The following XKR3 variants were observed in gnomAD, a reference collection of about 807,000 sequenced individuals.
The protein encoded by XKR3 is XK related 3.
In XKR3, 27 loss-of-function variants were observed where a neutral mutation model predicts 40.3. The observed-to-expected ratio is 0.67, with a 90% CI of 0.49 to 0.92. The LOEUF (loss-of-function observed/expected upper bound fraction) is 0.92. Ranked by LOEUF, XKR3 falls within the 40% of genes least tolerant of loss-of-function variation. XKR3 has a pLI of 0.00. For missense variants in XKR3, 472 were observed against 537.6 expected (o/e 0.88, Z 1.21); for synonymous variants, 193 against 195.4 (o/e 0.99, Z 0.10).
chr22:16,810,945 G>C (rs1438501692), intron 1 of XKR3, among the ~76,000 whole-genome samples: 1 of 151,990 alleles, frequency 6.6e-6, no homozygotes, highest in Non-Finnish European at 1.5e-5. Context: ...ATGAACCCAC[G>C]AGCCTTATGC....
chr22:16,807,965 T>C lies in XKR3; in HGVS notation c.109A>G (p.Ile37Val), dbSNP rs561070232. 3 of 1,613,996 alleles carry C rather than the reference T, an allele frequency of 1.9e-6. No individual in the cohort carries two copies. Among genetic ancestry groups the C allele is most frequent in the South Asian group, 1.1e-5 (1 of 91,066 alleles). The change falls in exon 2 of 4, where the codon ATT becomes GTT. Residue 37 changes from isoleucine to valine, a missense_variant. Ile to Val is a conservative substitution (Grantham distance 29). Coordinates refer to ENST00000684488, the MANE Select transcript of XKR3 (RefSeq NM_001386955.1). ...CAGTAGAGAACAGTTGAGAAGATAA[T>C]GCTAAAAGGAAAGCTTAGATGGAGT... ...QRLHLSFPFSIIFSTVLYCGE... is the reference protein window; with the variant it reads ...QRLHLSFPFSVIFSTVLYCGE...
At chr22:16,806,703 G>T (rs188064548) in intron 2 of XKR3, among the ~76,000 whole-genome samples, 26 of 152,166 alleles carry the variant, frequency 1.7e-4, no homozygotes, top group Non-Finnish European at 2.2e-4. Flanking sequence ...CTCCCAAAGA[G>T]CTGGAATTAC....
chr22:16,822,760 T>C (rs1389633921), intron 1 of XKR3, among the ~76,000 whole-genome samples: 1 of 152,232 alleles, frequency 6.6e-6, no homozygotes, highest in African/African-American at 2.4e-5. Flanking sequence ...AACCAGACTT[T>C]CTGAGTTACA....
At chr22:16,814,298 A>G (rs1301280260) in intron 1 of XKR3, among the ~76,000 whole-genome samples, 2 of 152,052 alleles carry the variant, frequency 1.3e-5, no homozygotes, top group East Asian at 3.9e-4. Context: ...TCATTTACTT[A>G]TCTTGGTACC....
intron 2 of XKR3, among the ~76,000 whole-genome samples, chr22:16,807,382 TCTCA>T (rs1467447272): frequency 6.6e-6 from 1 of 152,166 alleles, no homozygotes; most frequent in Non-Finnish European, 1.5e-5. Flanking sequence ...CTTTCTCTCT[TCTCA>T]CTCACTCTAC....
intron 3 of XKR3, among the ~76,000 whole-genome samples, chr22:16,785,972 T>G (rs1467398410): frequency 1.3e-5 from 2 of 152,178 alleles, no homozygotes; most frequent in Non-Finnish European, 2.9e-5. Context: ...ATTATTCACT[T>G]TCTAACACCA....
At chr22:16,808,969 T>C (rs985070386) in intron 1 of XKR3, among the ~76,000 whole-genome samples, 1 of 152,188 alleles carries the variant, frequency 6.6e-6, no homozygotes, top group African/African-American at 2.4e-5. Context: ...TAATGCAAAT[T>C]TCCAGAAAGA....
At chr22:16,803,773 G>A (rs184595365) in intron 2 of XKR3, among the ~76,000 whole-genome samples, 79 of 152,264 alleles carry the variant, frequency 5.2e-4, no homozygotes, top group African/African-American at 1.8e-3. Flanking sequence ...GCTAAAAAGG[G>A]GAGGCATGAA....
intron 2 of XKR3, among the ~76,000 whole-genome samples, chr22:16,801,547 AATAAAT>A (rs953094401): frequency 2.0e-5 from 3 of 152,234 alleles, no homozygotes; most frequent in Non-Finnish European, 4.4e-5. Flanking sequence ...ATTTCAAAAA[AATAAAT>A]ATATAAGTAA....
At chr22:16,788,227 A>G (rs1449140570) in intron 3 of XKR3, among the ~76,000 whole-genome samples, 6 of 152,188 alleles carry the variant, frequency 3.9e-5, no homozygotes, top group East Asian at 3.8e-4. Flanking sequence ...CACAGAAAAT[A>G]CCATATTTCT....
intron 3 of XKR3, among the ~76,000 whole-genome samples, chr22:16,791,994 T>C (rs1254436731): frequency 6.6e-6 from 1 of 151,966 alleles, no homozygotes; most frequent in Non-Finnish European, 1.5e-5. Context: ...CAGGCTGGAG[T>C]GCAATGGCAC....
intron 1 of XKR3, among the ~76,000 whole-genome samples, chr22:16,822,042 G>T (rs1178092804): frequency 6.6e-6 from 1 of 151,982 alleles, no homozygotes; most frequent in Non-Finnish European, 1.5e-5. Context: ...GCTGTGATAG[G>T]TGCCACAAAG....
At chr22:16,815,892 T>A (rs2060231291) in intron 1 of XKR3, among the ~76,000 whole-genome samples, 1 of 151,970 alleles carries the variant, frequency 6.6e-6, no homozygotes, top group Non-Finnish European at 1.5e-5. Flanking sequence ...TTTAAAATTT[T>A]TTCACATTTT....
intron 3 of XKR3, among the ~76,000 whole-genome samples, chr22:16,796,830 G>A (rs1203243663): frequency 6.6e-6 from 1 of 152,136 alleles, no homozygotes; most frequent in East Asian, 1.9e-4. Flanking sequence ...AATTTCATGT[G>A]GAACAGCAAC....
In XKR3 at chr22:16,816,412, A is replaced by T. The variant is rs2060233747; in HGVS notation, c.-10-8329T>A. ...AAAATATTCATTTTTCCTGGTTTTG[A>T]CATTAACTACCATATTTCTACACTT... On this transcript the variant is annotated intron_variant, in intron 1 of 3. Coordinates refer to ENST00000684488, the MANE Select transcript of XKR3 (RefSeq NM_001386955.1). Among the ~76,000 whole-genome samples, 9 of 151,190 alleles carry T rather than the reference A, an allele frequency of 6.0e-5. No homozygotes were observed. In the South Asian group the frequency reaches 1.7e-3, roughly 28 times the overall value.
Position 16,807,691 on chromosome 22 carries a change from C to T in XKR3, c.335+48G>A, listed in dbSNP as rs188899945. ...ATCTTTTTAGCCATCTATTTATATTCAATTTACTTGTTGGAGGCAGTGAAT... is the reference window on the plus strand; with the variant it reads ...ATCTTTTTAGCCATCTATTTATATTTAATTTACTTGTTGGAGGCAGTGAAT... On this transcript the variant is annotated intron_variant, in intron 2 of 3. Transcript: ENST00000684488. The T allele has an allele frequency of 5.6e-5, 81 of 1,450,210 alleles. No homozygotes were observed. The African/African-American group carries it at 9.7e-4, about 17-fold the overall frequency. The allele number at this position is 1,450,210 out of a possible 1,614,324, so 89.8% of individuals were successfully genotyped here.
intron 3 of XKR3, among the ~76,000 whole-genome samples, chr22:16,794,848 A>G (rs2060133883): frequency 6.6e-6 from 1 of 152,204 alleles, no homozygotes; most frequent in African/African-American, 2.4e-5. Flanking sequence ...CCATCATGCT[A>G]ATGGAAAACA....
At chr22:16,819,368 C>G (rs958117721) in intron 1 of XKR3, among the ~76,000 whole-genome samples, 2 of 152,120 alleles carry the variant, frequency 1.3e-5, no homozygotes, top group Admixed American at 6.6e-5. Context: ...ACTTATTACA[C>G]AGCCAAAGTA....
chr22:16,785,316 C>CA (rs2060085479), intron 3 of XKR3, among the ~76,000 whole-genome samples: 1 of 149,658 alleles, frequency 6.7e-6, no homozygotes, highest in Non-Finnish European at 1.5e-5. Context: ...GACTCCATCT[C>CA]AAAAAAACAA....
Sources: allele counts gnomAD v4.1 joint callset (sites outside exome capture counted in the v4.1 genomes callset), GRCh38; gene constraint gnomAD v4.1.1; transcripts MANE v1.5; gene names NCBI Gene and HGNC (gene_info 2026-07-23, HGNC 2026-07-21).